Variants in CCDC43 observed in about 807,000 individuals in gnomAD.
CCDC43 encodes coiled-coil domain-containing protein 43.
A neutral mutation model predicts 33.3 loss-of-function variants in CCDC43; 20 were observed. The observed-to-expected ratio is 0.60, with a 90% CI of 0.42 to 0.87. CCDC43 has a LOEUF of 0.87. Ranked by LOEUF, CCDC43 falls within the 40% of genes least tolerant of loss-of-function variation. The pLI, the probability that CCDC43 is intolerant of heterozygous loss-of-function variation, is 0.00. For synonymous variants in CCDC43, 104 were observed against 106.5 expected, an observed-to-expected ratio of 0.98 and a Z score of 0.14; for missense variants, 248 against 269.9, an observed-to-expected ratio of 0.92 and a Z score of 0.57.
chr17:44,681,535 T>C (rs766774467), intron 3 of CCDC43, among the ~76,000 whole-genome samples: 8 of 152,180 alleles, frequency 5.3e-5, no homozygotes, highest in Non-Finnish European at 1.0e-4. Context: ...TTAGAGAATC[T>C]TTCACCCAAA....
chr17:44,679,743 T>A (rs1179818013), intron 4 of CCDC43, among the ~76,000 whole-genome samples: 1 of 151,670 alleles, frequency 6.6e-6, no homozygotes, highest in Non-Finnish European at 1.5e-5. Context: ...ATACAAAAAA[T>A]TAGCCGGGCA....
intron 1 of CCDC43, among the ~76,000 whole-genome samples, chr17:44,685,159 T>G (rs922125235): frequency 6.6e-6 from 1 of 152,216 alleles, no homozygotes; most frequent in African/African-American, 2.4e-5. Flanking sequence ...AACTGCAATT[T>G]TATACCCTTT....
intron 3 of CCDC43, among the ~76,000 whole-genome samples, chr17:44,681,006 G>A (rs2144688453): frequency 6.6e-6 from 1 of 152,228 alleles, no homozygotes; most frequent in Non-Finnish European, 1.5e-5. Flanking sequence ...TAAATTGTGG[G>A]TGAAGCCCAG....
chr17:44,683,704 G>C (rs1972194696), intron 2 of CCDC43, among the ~76,000 whole-genome samples, 168 bp downstream of exon 2: 1 of 152,198 alleles, frequency 6.6e-6, no homozygotes, highest in East Asian at 1.9e-4. Flanking sequence ...AGAAAAGGAA[G>C]CCAATGTTCA....
chr17:44,683,924 A>C lies in CCDC43; in HGVS notation c.240T>G (p.Ile80Met). The C allele has an allele frequency of 6.2e-7, 1 of 1,613,452 alleles. No individual in the cohort carries two copies. Among genetic ancestry groups the C allele is most frequent in the Non-Finnish European group, 8.5e-7 (1 of 1,179,378 alleles). ...EDSLLNICKE[I>M]VERWSETQNV... ...TCTGAGTTTCTGACCATCGTTCCAC[A>C]ATCTCCTTGCAGATATTAAGGAGGG... The change falls in exon 2 of 5, where the codon ATT (isoleucine) becomes ATG (methionine). Residue 80 changes from isoleucine to methionine, a missense_variant. Ile to Met is a conservative substitution (Grantham distance 10). Transcript: ENST00000315286.
At chr17:44,679,787 G>A (rs563425980) in intron 4 of CCDC43, among the ~76,000 whole-genome samples, 125 of 151,892 alleles carry the variant, frequency 8.2e-4, no homozygotes, top group African/African-American at 2.8e-3. Flanking sequence ...CCAGCTACTC[G>A]GGAGGCTAAG....
intron 3 of CCDC43, among the ~76,000 whole-genome samples, chr17:44,681,148 TAGAAG>T (rs1384831043): frequency 1.3e-5 from 2 of 151,954 alleles, no homozygotes; most frequent in Non-Finnish European, 2.9e-5. Flanking sequence ...AAAAAAAAAT[TAGAAG>T]AGAGGCCAGG....
At chr17:44,685,086 G>A (rs764540189) in intron 1 of CCDC43, among the ~76,000 whole-genome samples, 11 of 152,232 alleles carry the variant, frequency 7.2e-5, no homozygotes, top group South Asian at 2.1e-4. Flanking sequence ...ACATCCAGCC[G>A]ATTATTACTT....
Position 44,682,151 on chromosome 17 carries a change from G to A in CCDC43, c.293-13C>T. On this transcript the variant is annotated splice_polypyrimidine_tract_variant and intron_variant, in intron 2 of 4. Transcript: ENST00000315286. ...GCCTGTACTTCATCTGGGAGGTGGT[G>A]GAAGGAAGAACAAGGTTGTATGAGA... 1 of 1,613,840 alleles carries A rather than the reference G, an allele frequency of 6.2e-7. No homozygotes were observed. Among genetic ancestry groups the A allele is most frequent in the African/African-American group, 1.3e-5 (1 of 75,012 alleles).
At chr17:44,680,715 G>A in intron 3 of CCDC43, 72 bp from the exon 4 acceptor site, 1 of 1,129,622 alleles carries the variant, frequency 8.9e-7, no homozygotes, top group Non-Finnish European at 1.3e-6. Context: ...TCAATAGACT[G>A]GTAAGTAGGA....
chr17:44,678,635 A>C lies in CCDC43; in HGVS notation c.*221T>G. On this transcript the variant is annotated 3_prime_UTR_variant, in exon 5 of 5. Coordinates refer to ENST00000315286, the MANE Select transcript of CCDC43 (RefSeq NM_144609.3). The stretch of plus-strand genomic sequence containing the variant: ...AAAATATAAAGGTGGCCCCCATTCC[A>C]GATCTTTGGTACAGTCATCAACTAT... 1 of 437,248 alleles carries C rather than the reference A, an allele frequency of 2.3e-6. No homozygotes were observed. The highest frequency in any genetic ancestry group is 3.6e-5 in the East Asian group (1 of 27,828). The allele number at this position is 437,248 out of a possible 1,614,324, so 27.1% of individuals were successfully genotyped here.
At chr17:44,679,142 G>A in intron 4 of CCDC43, 99 bp from the exon 5 acceptor site, 1 of 865,460 alleles carries the variant, frequency 1.2e-6, no homozygotes, top group Non-Finnish European at 1.7e-6. Flanking sequence ...GCTGAGTCCT[G>A]AATCGTCTTT....
At chr17:44,684,045 G>T in intron 1 of CCDC43, 86 bp from the exon 2 acceptor site, 1 of 807,518 alleles carries the variant, frequency 1.2e-6, no homozygotes, top group Non-Finnish European at 2.1e-6. Flanking sequence ...AGAAAGCACA[G>T]CTCTCCATGC....
intron 1 of CCDC43, among the ~76,000 whole-genome samples, chr17:44,685,034 T>G (rs2144694193): frequency 1.3e-5 from 2 of 152,286 alleles, no homozygotes; most frequent in South Asian, 4.1e-4. Flanking sequence ...AATCCTCCCA[T>G]CTTGGCCCCC....
In CCDC43 at chr17:44,679,805, A is replaced by T. The variant is rs185761586; in HGVS notation, c.488-762T>A. 2.0e-5 allele frequency among the ~76,000 whole-genome samples: 3 copies of T among 151,896 alleles called. No individual in the cohort carries two copies. In the East Asian group the frequency reaches 5.9e-4, roughly 30 times the overall value. On this transcript the variant is annotated intron_variant, in intron 4 of 4. Coordinates refer to ENST00000315286, the MANE Select transcript of CCDC43 (RefSeq NM_144609.3). ...GCTACTCGGGAGGCTAAGGCAGGAGAATCACTTTAACCCAGGAGGCGGAGG... is the reference window on the plus strand; with the variant it reads ...GCTACTCGGGAGGCTAAGGCAGGAGTATCACTTTAACCCAGGAGGCGGAGG...
In CCDC43 at chr17:44,678,874, T is replaced by C; in HGVS notation, c.657A>G (p.Arg219=). 6.2e-7 allele frequency: 1 copy of C among 1,613,714 alleles called. No individual in the cohort carries two copies. Among genetic ancestry groups the C allele is most frequent in the Non-Finnish European group, 8.5e-7 (1 of 1,179,750 alleles). Residue 219 remains arginine, a synonymous_variant, in exon 5 of 5, where the codon AGA becomes AGG. Transcript: ENST00000315286. ...RKEKEKKRTQ[R]GERKR ...GCCAAGGTTATCGCTTTCGCTCCCCTCTCTGTGTCCTTTTTTTTTCCTTTT... is the reference window on the plus strand; with the variant it reads ...GCCAAGGTTATCGCTTTCGCTCCCCCCTCTGTGTCCTTTTTTTTTCCTTTT...
chr17:44,681,654 G>C (rs1268270783), intron 3 of CCDC43: 1 of 163,558 alleles, frequency 6.1e-6, no homozygotes, highest in Non-Finnish European at 1.3e-5. Flanking sequence ...AGAACATAAA[G>C]ATGGATTATA....
chr17:44,680,891 C>T (rs1426818024), intron 3 of CCDC43, among the ~76,000 whole-genome samples: 1 of 152,174 alleles, frequency 6.6e-6, no homozygotes, highest in Non-Finnish European at 1.5e-5. Flanking sequence ...TGCCACATTA[C>T]CTGGAAGCCA....
chr17:44,678,771 T>A lies in CCDC43; in HGVS notation c.*85A>T. On this transcript the variant is annotated 3_prime_UTR_variant, in exon 5 of 5. Transcript: ENST00000315286. ...GGGGAAATGCCTTGGGAAACTACTT[T>A]GCAATGCACTCTCATTTCTCTTAAA... 1 of 1,334,738 alleles carries A rather than the reference T, an allele frequency of 7.5e-7. No homozygotes were observed. The highest frequency in any genetic ancestry group is 1.0e-6 in the Non-Finnish European group (1 of 982,740). The allele number at this position is 1,334,738 out of a possible 1,614,324, so 82.7% of individuals were successfully genotyped here. A position where few individuals can be genotyped will look rare whatever the true frequency, so the allele number is the denominator to read the frequency against.
Sources: allele counts gnomAD v4.1 joint callset (sites outside exome capture counted in the v4.1 genomes callset), GRCh38; gene constraint gnomAD v4.1.1; transcripts MANE v1.5; gene names NCBI Gene and HGNC (gene_info 2026-07-23, HGNC 2026-07-21).